The following LIPK variants were observed in gnomAD, a reference collection of about 807,000 sequenced individuals.
LIPK encodes the protein lipase family member K, also known as lipase member K.
A neutral mutation model predicts 48.6 loss-of-function variants in LIPK; 32 were observed. The ratio of observed to expected loss-of-function variants is 0.66; its 90% CI spans 0.50 to 0.88. LIPK has a LOEUF of 0.88. Ranked by LOEUF, LIPK falls within the 40% of genes least tolerant of loss-of-function variation. The pLI, the probability that LIPK is intolerant of heterozygous loss-of-function variation, is 0.00. For missense variants in LIPK, 507 were observed against 478.5 expected (o/e 1.06, Z -0.56); for synonymous variants, 164 against 157.4 (o/e 1.04, Z -0.32).
intron 1 of LIPK, among the ~76,000 whole-genome samples, chr10:88,712,167 G>A (rs1842038184): frequency 6.6e-6 from 1 of 152,152 alleles, no homozygotes; most frequent in South Asian, 2.1e-4. Flanking sequence ...GTAATTTTCA[G>A]TGTAAAGATT....
At chr10:88,745,348 A>G (rs2839909) in intron 9 of LIPK, among the ~76,000 whole-genome samples, 7,809 of 152,228 alleles carry the variant, frequency 0.051, 235 homozygotes, top group African/African-American at 0.07. Context: ...TCCAAGGTCT[A>G]TATGAAAGAA....
chr10:88,726,032 T>G (rs1201597123), intron 2 of LIPK, among the ~76,000 whole-genome samples: 2 of 152,082 alleles, frequency 1.3e-5, no homozygotes, highest in African/African-American at 4.8e-5. Context: ...TCTTCCTCAA[T>G]TTGGTTATCT....
intron 6 of LIPK, among the ~76,000 whole-genome samples, chr10:88,737,362 G>T (rs535996323): frequency 1.3e-5 from 2 of 152,224 alleles, no homozygotes; most frequent in East Asian, 3.9e-4. Context: ...TGAAACACAT[G>T]TATGCCTCAC....
intron 3 of LIPK, chr10:88,727,995 GA>G: frequency 5.5e-6 from 2 of 361,538 alleles, no homozygotes; most frequent in South Asian, 2.5e-5. Context: ...ACCAGAAGCT[GA>G]AGGTGGAGGT....
chr10:88,714,516 A>G (rs1017068531), intron 1 of LIPK, among the ~76,000 whole-genome samples: 1 of 152,152 alleles, frequency 6.6e-6, no homozygotes, highest in African/African-American at 2.4e-5. Flanking sequence ...AACTATGTGG[A>G]TCTGTAATTT....
At chr10:88,724,485 T>G in intron 1 of LIPK, 48 bp from the exon 2 acceptor site, 3 of 1,137,650 alleles carry the variant, frequency 2.6e-6, no homozygotes, top group Non-Finnish European at 3.8e-6. Context: ...AAATTTCACT[T>G]CGTAGAATTT....
chr10:88,743,101 A>G, intron 8 of LIPK, 149 bp from the exon 9 acceptor site: 3 of 536,204 alleles, frequency 5.6e-6, no homozygotes, highest in South Asian at 2.8e-5. Context: ...TATCATTTTT[A>G]TTACTTATTT....
intron 1 of LIPK, among the ~76,000 whole-genome samples, chr10:88,710,079 A>G (rs1842000704): frequency 6.6e-6 from 1 of 151,894 alleles, no homozygotes; most frequent in African/African-American, 2.4e-5. Context: ...GTATGCTTTC[A>G]TGTTTTTATA....
intron 1 of LIPK, among the ~76,000 whole-genome samples, chr10:88,724,284 T>C (rs866336395): frequency 6.6e-6 from 1 of 152,204 alleles, no homozygotes; most frequent in Non-Finnish European, 1.5e-5. Flanking sequence ...ACTTGATTGA[T>C]TGGTTTCTCT....
intron 8 of LIPK, among the ~76,000 whole-genome samples, chr10:88,741,404 T>C (rs552097953): frequency 1.3e-5 from 2 of 152,212 alleles, no homozygotes; most frequent in East Asian, 3.9e-4. Context: ...TTTGTTTCTT[T>C]TTACAAAGAT....
intron 1 of LIPK, among the ~76,000 whole-genome samples, chr10:88,709,867 C>A (rs961288060): frequency 1.4e-4 from 22 of 152,018 alleles, no homozygotes; most frequent in African/African-American, 5.1e-4. Context: ...GAAAAGGAGA[C>A]CCTGCTTCAA....
chr10:88,730,955 T>G, intron 3 of LIPK, 28 bp from the exon 4 acceptor site: 3 of 1,521,430 alleles, frequency 2.0e-6, no homozygotes, highest in Non-Finnish European at 2.6e-6. Context: ...AGTTCAAATA[T>G]GAAATTCTTG....
Position 88,743,401 on chromosome 10 carries a change from A to G in LIPK, c.960+80A>G, listed in dbSNP as rs933706251. ...AGTGTCTACTCATGAAGCACCTGCC[A>G]CTTCCATTTAACCACACTGGATATT... is the stretch of plus-strand genomic sequence containing the variant. On this transcript the variant is annotated intron_variant, in intron 9 of 9. Transcript: ENST00000404190. 9.0e-6 allele frequency: 9 copies of G among 1,004,162 alleles called. No homozygotes were observed. The Middle Eastern group carries it at 6.1e-4, about 68-fold the overall frequency. The allele number at this position is 1,004,162 out of a possible 1,614,324, so 62.2% of individuals were successfully genotyped here. A position where few individuals can be genotyped will look rare whatever the true frequency, so the allele number is the denominator to read the frequency against.
chr10:88,721,226 C>A (rs1842220229), intron 1 of LIPK, among the ~76,000 whole-genome samples: 1 of 151,944 alleles, frequency 6.6e-6, no homozygotes, highest in Non-Finnish European at 1.5e-5. Flanking sequence ...CGATGTGGGA[C>A]ACATGAGAAG....
At chr10:88,732,144 A>T in intron 4 of LIPK, 34 bp from the exon 5 acceptor site, 2 of 1,426,466 alleles carry the variant, frequency 1.4e-6, no homozygotes, top group Non-Finnish European at 2.0e-6. Context: ...CAATGAGATG[A>T]CTTTTCTAAT....
chr10:88,730,525 C>T (rs1842443348), intron 3 of LIPK, among the ~76,000 whole-genome samples: 1 of 152,128 alleles, frequency 6.6e-6, no homozygotes, highest in Non-Finnish European at 1.5e-5. Context: ...CTCCTGACCT[C>T]GTGATCTGCC....
At chr10:88,733,626 C>G (rs1842512040) in intron 6 of LIPK, among the ~76,000 whole-genome samples, 1 of 152,200 alleles carries the variant, frequency 6.6e-6, no homozygotes. Flanking sequence ...CTGGCCTGCT[C>G]CTACTATTAA....
chr10:88,728,649 C>T, intron 3 of LIPK: 1 of 488,448 alleles, frequency 2.0e-6, no homozygotes, highest in Non-Finnish European at 4.1e-6. Flanking sequence ...CAGGAAGCTG[C>T]TGGAGGGCGA....
At chr10:88,731,473 G>A (rs2134740277) in intron 4 of LIPK, among the ~76,000 whole-genome samples, 1 of 152,318 alleles carries the variant, frequency 6.6e-6, no homozygotes. Context: ...GAATAGCTAA[G>A]CAACAGTGCT....
Sources: gnomAD v4.1 joint callset for allele counts (sites outside exome capture counted in the v4.1 genomes callset) on GRCh38, gnomAD v4.1.1 for gene constraint, MANE v1.5 for transcripts, NCBI Gene and HGNC (gene_info 2026-07-23, HGNC 2026-07-21) for gene names.